Variants in CSMD1 observed in about 807,000 individuals in gnomAD.
The protein encoded by CSMD1 is CUB and Sushi multiple domains 1.
In CSMD1, 213 loss-of-function variants were observed where a neutral mutation model predicts 417.5. The observed-to-expected ratio is 0.51, with a 90% CI of 0.46 to 0.57. The LOEUF is 0.57. Ranked by LOEUF, CSMD1 falls within the 20% of genes least tolerant of loss-of-function variation. The probability of loss-of-function intolerance (pLI) is 0.00; values close to 1 mark genes in which losing one functional copy is unlikely to be tolerated. For synonymous variants in CSMD1, 2,862 were observed against 1,736.8 expected, an observed-to-expected ratio of 1.65 and a Z score of -16.11; for missense variants, 6,923 against 4,529.7, an observed-to-expected ratio of 1.53 and a Z score of -15.17.
chr8:4,072,567 A>C (rs768949434), intron 3 of CSMD1, among the ~76,000 whole-genome samples: 2 of 152,220 alleles, frequency 1.3e-5, no homozygotes, highest in East Asian at 3.8e-4. Flanking sequence ...TTTCATATAT[A>C]TAAGAAATAT....
rs545734957 is a variant in CSMD1 at position 4,957,181 on chromosome 8, C to G, written c.85+37151G>C. Among the ~76,000 whole-genome samples, 7 of 152,328 alleles carry G rather than the reference C, an allele frequency of 4.6e-5. No individual in the cohort carries two copies. In the East Asian group the frequency reaches 1.2e-3, roughly 25 times the overall value. On this transcript the variant is annotated intron_variant, in intron 1 of 69. Coordinates refer to ENST00000635120, the MANE Select transcript of CSMD1 (RefSeq NM_033225.6). The stretch of plus-strand genomic sequence containing the variant: ...AACAGTTTGTGACAACTGAAAAACA[C>G]TGACCTGTAGACCTAAAGCTATAGC...
chr8:4,035,439 TC>T (rs926332747), intron 3 of CSMD1, among the ~76,000 whole-genome samples: 11 of 152,170 alleles, frequency 7.2e-5, no homozygotes, highest in African/African-American at 2.7e-4. Flanking sequence ...GTCAGGTCCT[TC>T]AGGAAGGATT....
chr8:4,647,672 T>G (rs2130885557), intron 1 of CSMD1, among the ~76,000 whole-genome samples: 1 of 152,244 alleles, frequency 6.6e-6, no homozygotes, highest in African/African-American at 2.4e-5. Flanking sequence ...GGTGTTTGGT[T>G]TTCTGTTCTT....
intron 41 of CSMD1, among the ~76,000 whole-genome samples, chr8:3,138,866 T>C (rs1018209180): frequency 3.3e-5 from 5 of 152,192 alleles, no homozygotes; most frequent in African/African-American, 1.2e-4. Context: ...GAAAGCATGG[T>C]AAACGCTTTC....
intron 1 of CSMD1, among the ~76,000 whole-genome samples, chr8:4,738,344 G>T (rs1411653930): frequency 1.3e-5 from 2 of 152,274 alleles, no homozygotes; most frequent in South Asian, 4.1e-4. Flanking sequence ...GGGCGAAGAG[G>T]CCTCAGAAAA....
chr8:4,938,569 G>C (rs1019848767), intron 1 of CSMD1, among the ~76,000 whole-genome samples: 2 of 152,186 alleles, frequency 1.3e-5, no homozygotes, highest in African/African-American at 2.4e-5. Flanking sequence ...CCCTCACACA[G>C]TTGTCAGTCT....
intron 4 of CSMD1, among the ~76,000 whole-genome samples, chr8:4,007,580 G>C (rs956171922): frequency 1.3e-5 from 2 of 152,156 alleles, no homozygotes; most frequent in African/African-American, 2.4e-5. Flanking sequence ...GGTGCGTGCT[G>C]AGTGCAAAGC....
chr8:4,842,074 G>T (rs10503285), intron 1 of CSMD1, among the ~76,000 whole-genome samples: 29,685 of 151,968 alleles, frequency 0.2, 3,331 homozygotes, highest in African/African-American at 0.3. Flanking sequence ...TTTCCTGGAC[G>T]TCACCTATGT....
At chr8:4,144,676 G>T (rs1043978660) in intron 3 of CSMD1, among the ~76,000 whole-genome samples, 1 of 150,974 alleles carries the variant, frequency 6.6e-6, no homozygotes, top group Non-Finnish European at 1.5e-5. Flanking sequence ...TCTATGTCCC[G>T]ACTGTGCGGT....
chr8:4,968,490 GA>G (rs1810023312), intron 1 of CSMD1, among the ~76,000 whole-genome samples: 1 of 151,990 alleles, frequency 6.6e-6, no homozygotes, highest in African/African-American at 2.4e-5. Context: ...TAAGATATAG[GA>G]AAATGCAAAA....
chr8:4,692,783 G>T (rs62484582), intron 1 of CSMD1, among the ~76,000 whole-genome samples: 12,435 of 152,094 alleles, frequency 0.082, 569 homozygotes, highest in East Asian at 0.13. Flanking sequence ...TTTCTTATAC[G>T]GGCCCTCCCT....
chr8:3,674,157 A>T (rs1272255543), intron 7 of CSMD1, among the ~76,000 whole-genome samples: 1 of 152,188 alleles, frequency 6.6e-6, no homozygotes, highest in East Asian at 1.9e-4. Context: ...ATGTTGAGCA[A>T]CATTCATAAT....
intron 40 of CSMD1, among the ~76,000 whole-genome samples, chr8:3,147,089 G>C (rs570483611): frequency 6.6e-6 from 1 of 152,322 alleles, no homozygotes; most frequent in East Asian, 1.9e-4. Context: ...TGGTAGGACA[G>C]CTGTGCCCTG....
chr8:3,096,797 T>A, intron 47 of CSMD1, 52 bp downstream of exon 47: 1 of 1,154,992 alleles, frequency 8.7e-7, no homozygotes, highest in Non-Finnish European at 1.2e-6. Flanking sequence ...TGTAATAGTG[T>A]TTTTATCAAT....
At chr8:4,256,786 G>A (rs1015552223) in intron 3 of CSMD1, among the ~76,000 whole-genome samples, 2 of 152,154 alleles carry the variant, frequency 1.3e-5, no homozygotes, top group Admixed American at 6.5e-5. Context: ...CTTGCAACAG[G>A]GCCAAGCAGT....
intron 2 of CSMD1, among the ~76,000 whole-genome samples, chr8:4,435,444 AAACTT>A (rs1291191718): frequency 1.3e-5 from 2 of 152,188 alleles, no homozygotes; most frequent in Admixed American, 1.3e-4. Context: ...TAGTTTTGTT[AAACTT>A]ATCACTGGTT....
chr8:3,677,678 T>C (rs372162230), intron 7 of CSMD1, among the ~76,000 whole-genome samples: 1 of 152,190 alleles, frequency 6.6e-6, no homozygotes, highest in African/African-American at 2.4e-5. Context: ...TTAGGGCTCT[T>C]TGGCCAGAGC....
intron 5 of CSMD1, among the ~76,000 whole-genome samples, chr8:3,793,318 T>C (rs943533756): frequency 6.6e-6 from 1 of 152,176 alleles, no homozygotes; most frequent in Non-Finnish European, 1.5e-5. Flanking sequence ...TTCCCATCTG[T>C]TTATGCAGCT....
At chr8:3,509,770 G>A (rs759567697) in intron 10 of CSMD1, among the ~76,000 whole-genome samples, 2 of 152,204 alleles carry the variant, frequency 1.3e-5, no homozygotes, top group African/African-American at 2.4e-5. Context: ...CAAGGGGTCT[G>A]CTTGATGCCT....
Sources: gnomAD v4.1 joint callset for allele counts (sites outside exome capture counted in the v4.1 genomes callset) on GRCh38, gnomAD v4.1.1 for gene constraint, MANE v1.5 for transcripts, NCBI Gene and HGNC (gene_info 2026-07-23, HGNC 2026-07-21) for gene names.